The following INPP4B variants were observed in gnomAD, a reference collection of about 807,000 sequenced individuals.
INPP4B encodes inositol polyphosphate 4-phosphatase type II.
Under a neutral mutation model 122.5 loss-of-function variants are expected in INPP4B, and 55 were observed. That is an observed-to-expected ratio of 0.45 (90% CI 0.36 to 0.56). INPP4B has a LOEUF of 0.56. Ranked by LOEUF, INPP4B falls within the 20% of genes least tolerant of loss-of-function variation. The pLI is 0.00. For missense variants in INPP4B, 1,000 were observed against 1,097.7 expected, an observed-to-expected ratio of 0.91 and a Z score of 1.26; for synonymous variants, 403 against 388.7, an observed-to-expected ratio of 1.04 and a Z score of -0.43.
At position 142,580,140 on chromosome 4, in the gene INPP4B, C is replaced by A. The variant is rs890892982; in HGVS notation, c.-190-117414G>T. On this transcript the variant is annotated intron_variant, in intron 2 of 25. Coordinates refer to ENST00000262992, the MANE Select transcript of INPP4B (RefSeq NM_001101669.3). ...AGTAGCTGACACATAGAGGAATTAC[C>A]CAGGAGAGCATTGTGGTTAAGAAAG... is the stretch of plus-strand genomic sequence containing the variant. Among the ~76,000 whole-genome samples the A allele has an allele frequency of 2.7e-5, 4 of 150,904 alleles. No individual in the cohort carries two copies. The Admixed American group carries it at 2.7e-4, about 10-fold the overall frequency.
At chr4:142,757,769 A>C (rs1770716446) in intron 1 of INPP4B, among the ~76,000 whole-genome samples, 1 of 152,182 alleles carries the variant, frequency 6.6e-6, no homozygotes, top group Non-Finnish European at 1.5e-5. Context: ...ATTTGGGTGC[A>C]TACCAAGGAG....
At chr4:142,374,936 G>A (rs1240901664) in intron 7 of INPP4B, among the ~76,000 whole-genome samples, 2 of 151,766 alleles carry the variant, frequency 1.3e-5, no homozygotes, top group Non-Finnish European at 2.9e-5. Flanking sequence ...GTAAAGGTAG[G>A]AACAATTACC....
intron 2 of INPP4B, among the ~76,000 whole-genome samples, chr4:142,703,730 C>A (rs1258552789): frequency 6.6e-6 from 1 of 152,140 alleles, no homozygotes; most frequent in African/African-American, 2.4e-5. Context: ...AAATGGGCTC[C>A]TCTCTGAGGG....
At position 142,323,518 on chromosome 4, in the gene INPP4B, T is replaced by G. The variant is rs1175606889; in HGVS notation, c.373-8756A>C. ...TGGAGTGCAGTGGCACGATCTTGGC[T>G]CACTGCAAGCTCTGCCTCTCGGTTT... On this transcript the variant is annotated intron_variant, in intron 7 of 25. Coordinates refer to ENST00000262992, the MANE Select transcript of INPP4B (RefSeq NM_001101669.3). Among the ~76,000 whole-genome samples, 4 of 148,210 alleles carry G rather than the reference T, an allele frequency of 2.7e-5. No homozygotes were observed. In the South Asian group the frequency reaches 8.6e-4, roughly 32 times the overall value.
In INPP4B at chr4:142,215,892, CAAAAAAAAAAAAAAAAAAAAA is replaced by C. The variant is rs200657873; in HGVS notation, c.837-6887_837-6867del. ...TGGGCAACAGACCAAGACTCTGTCT[CAAAAAAAAAAAAAAAAAAAAA>C]AAAAAAAAAAAAAAAAAAAAGAAGG... On this transcript the variant is annotated intron_variant, in intron 12 of 25. Coordinates refer to ENST00000262992, the MANE Select transcript of INPP4B (RefSeq NM_001101669.3). Among the ~76,000 whole-genome samples, 432 of 54,552 alleles carry C rather than the reference CAAAAAAAAAAAAAAAAAAAAA, an allele frequency of 7.9e-3. 2 individuals are homozygous for C. Among genetic ancestry groups the C allele is most frequent in the East Asian group, 0.037 (38 of 1,022 alleles). 35.8% of individuals were successfully genotyped at this position (54,552 alleles called of 152,430 possible).
intron 11 of INPP4B, among the ~76,000 whole-genome samples, chr4:142,243,924 T>C (rs1860778777): frequency 1.3e-5 from 2 of 151,658 alleles, no homozygotes; most frequent in South Asian, 4.2e-4. Context: ...TATTATTTAT[T>C]ATTATACTTT....
intron 1 of INPP4B, among the ~76,000 whole-genome samples, chr4:142,831,268 C>A (rs1302892218): frequency 1.3e-5 from 2 of 152,152 alleles, no homozygotes; most frequent in Admixed American, 6.5e-5. Context: ...TCCACCAGAT[C>A]TAAGTCACAG....
At chr4:142,644,815 A>G (rs1204650194) in intron 2 of INPP4B, among the ~76,000 whole-genome samples, 4 of 149,370 alleles carry the variant, frequency 2.7e-5, no homozygotes, top group South Asian at 4.3e-4. Flanking sequence ...GGCAGGGAGA[A>G]TCACTTGAAC....
intron 7 of INPP4B, among the ~76,000 whole-genome samples, chr4:142,377,473 G>C (rs747556134): frequency 1.3e-5 from 2 of 152,068 alleles, no homozygotes; most frequent in Non-Finnish European, 1.5e-5. Context: ...GAGTGAAAAA[G>C]AGGGACAAGG....
At chr4:142,434,761 T>C (rs1209556656) in intron 3 of INPP4B, among the ~76,000 whole-genome samples, 1 of 152,026 alleles carries the variant, frequency 6.6e-6, no homozygotes, top group African/African-American at 2.4e-5. Flanking sequence ...GCCTAGTTAG[T>C]CAGAAAGCAT....
At chr4:142,109,996 T>C (rs1413984505) in intron 22 of INPP4B, among the ~76,000 whole-genome samples, 1 of 152,150 alleles carries the variant, frequency 6.6e-6, no homozygotes, top group African/African-American at 2.4e-5. Flanking sequence ...CTGAAATATA[T>C]TCTTCTAATG....
chr4:142,053,657 A>G (rs187939490), intron 25 of INPP4B, among the ~76,000 whole-genome samples: 1 of 152,174 alleles, frequency 6.6e-6, no homozygotes, highest in African/African-American at 2.4e-5. Context: ...TATTAACCTG[A>G]ATCTCCCAAT....
intron 10 of INPP4B, among the ~76,000 whole-genome samples, chr4:142,264,497 G>C (rs1483554383): frequency 1.3e-5 from 2 of 152,112 alleles, no homozygotes; most frequent in Non-Finnish European, 2.9e-5. Context: ...CTACTATGTG[G>C]TTTTAATGCT....
chr4:142,646,579 T>C (rs2150512365), intron 2 of INPP4B, among the ~76,000 whole-genome samples: 1 of 152,284 alleles, frequency 6.6e-6, no homozygotes, highest in East Asian at 1.9e-4. Context: ...ATGTCAGAAT[T>C]CAAAGGCTTT....
intron 1 of INPP4B, among the ~76,000 whole-genome samples, chr4:142,803,248 A>C (rs1216607167): frequency 1.3e-5 from 2 of 152,000 alleles, no homozygotes; most frequent in African/African-American, 2.4e-5. Context: ...CTTATACAAT[A>C]AAATGGGTTT....
chr4:142,398,390 AAAAAAAAAAAAATATATATATAT>A (rs1208728880), intron 7 of INPP4B, among the ~76,000 whole-genome samples: 11 of 70,640 alleles, frequency 1.6e-4, no homozygotes, highest in South Asian at 1.2e-3. Flanking sequence ...AAAAAAAAAA[AAAAAAAAAAAAATATATATATAT>A]ATATATATAT....
intron 2 of INPP4B, among the ~76,000 whole-genome samples, chr4:142,537,605 G>A (rs1391543734): frequency 1.3e-5 from 2 of 151,470 alleles, no homozygotes; most frequent in African/African-American, 4.9e-5. Flanking sequence ...GCAACTTTAA[G>A]CAAAATGATG....
At chr4:142,137,915 G>A (rs1374366656) in intron 18 of INPP4B, among the ~76,000 whole-genome samples, 1 of 152,062 alleles carries the variant, frequency 6.6e-6, no homozygotes, top group Non-Finnish European at 1.5e-5. Context: ...TGGAGAAATA[G>A]GAACACTTAT....
At chr4:142,649,828 A>T (rs2150528501) in intron 2 of INPP4B, among the ~76,000 whole-genome samples, 1 of 152,368 alleles carries the variant, frequency 6.6e-6, no homozygotes, top group Admixed American at 6.5e-5. Flanking sequence ...CCAACCTAGC[A>T]AAGCAGGCCA....
Sources: gnomAD v4.1 joint callset for allele counts (sites outside exome capture counted in the v4.1 genomes callset) on GRCh38, gnomAD v4.1.1 for gene constraint, MANE v1.5 for transcripts, NCBI Gene and HGNC (gene_info 2026-07-23, HGNC 2026-07-21) for gene names.